PAFAH2: variants seen among roughly 807,000 people sequenced by gnomAD.
PAFAH2 encodes platelet-activating factor acetylhydrolase 2, cytoplasmic.
PAFAH2 carries 42 observed loss-of-function variants against 49.0 expected under a neutral mutation model. The observed-to-expected ratio is 0.86, with a 90% CI of 0.67 to 1.11. The LOEUF is 1.11. Ranked by LOEUF, PAFAH2 falls within the 50% of genes least tolerant of loss-of-function variation. The pLI is 0.00. For synonymous variants in PAFAH2, 184 were observed against 181.3 expected, an observed-to-expected ratio of 1.01 and a Z score of -0.12; for missense variants, 503 against 501.8, an observed-to-expected ratio of 1.00 and a Z score of -0.02.
intron 7 of PAFAH2, among the ~76,000 whole-genome samples, chr1:25,980,770 C>T (rs530222388): frequency 3.9e-5 from 6 of 151,958 alleles, no homozygotes; most frequent in African/African-American, 1.2e-4. Context: ...GTAATCCCAA[C>T]ACTTTGTGAG....
At chr1:25,980,646 A>C (rs2049672953) in intron 7 of PAFAH2, among the ~76,000 whole-genome samples, 1 of 147,134 alleles carries the variant, frequency 6.8e-6, no homozygotes, top group Non-Finnish European at 1.5e-5. Context: ...ATATATATTT[A>C]TTTATATATT....
Position 25,966,153 on chromosome 1 carries a change from T to G in PAFAH2, c.1085-4070A>C, listed in dbSNP as rs1170806373. On this transcript the variant is annotated intron_variant, in intron 10 of 10. Coordinates refer to ENST00000374282, the MANE Select transcript of PAFAH2 (RefSeq NM_000437.4). ...GTGAGGATGCAGAGAAAGGGAACAC[T>G]TATGCACCGTTGGTAGGAATGTAAA... Among the ~76,000 whole-genome samples the G allele has an allele frequency of 2.6e-5, 4 of 152,072 alleles. No individual in the cohort carries two copies. In the East Asian group the frequency reaches 7.7e-4, roughly 29 times the overall value.
At chr1:25,963,651 G>C (rs550490597) in intron 10 of PAFAH2, among the ~76,000 whole-genome samples, 431 of 152,278 alleles carry the variant, frequency 2.8e-3, no homozygotes, top group Non-Finnish European at 5.0e-3. Flanking sequence ...CTACAGGCAT[G>C]CACCACCACA....
chr1:25,993,070 C>T (rs1031662834), intron 1 of PAFAH2, among the ~76,000 whole-genome samples: 15 of 152,104 alleles, frequency 9.9e-5, no homozygotes, highest in African/African-American at 3.6e-4. Context: ...AATAGAGGCC[C>T]ATTTGTGAAG....
At chr1:25,968,839 C>A (rs1459860104) in intron 10 of PAFAH2, among the ~76,000 whole-genome samples, 2 of 152,146 alleles carry the variant, frequency 1.3e-5, no homozygotes, top group Non-Finnish European at 1.5e-5. Flanking sequence ...AAGCAATCCT[C>A]CTGCCTCAGC....
rs908680376 is a variant in PAFAH2, at chr1:25,961,194, G to C, written c.*795C>G. Reference sequence around the variant, plus strand: ...AAACTACTTCTCTGTTGTGGCAAAGGCCTGTGCAAATGGCCATTTAACACT... The same window carrying C: ...AAACTACTTCTCTGTTGTGGCAAAGCCCTGTGCAAATGGCCATTTAACACT... On this transcript the variant is annotated 3_prime_UTR_variant, in exon 11 of 11. Transcript: ENST00000374282. The C allele has an allele frequency of 6.6e-6, 1 of 152,186 alleles. No individual in the cohort carries two copies. The highest frequency in any genetic ancestry group is 1.5e-5 in the Non-Finnish European group (1 of 68,064). The allele number at this position is 152,186 out of a possible 1,614,324, so 9.4% of individuals were successfully genotyped here.
In PAFAH2 at chr1:25,984,845, CTTTTTTTTT is replaced by C. The variant is rs34522205; in HGVS notation, c.342-326_342-318del. On this transcript the variant is annotated intron_variant, in intron 4 of 10. Coordinates refer to ENST00000374282, the MANE Select transcript of PAFAH2 (RefSeq NM_000437.4). ...CTGGACTTCAGAGCCAGAGAGATTTCTTTTTTTTTTTTTTTTTTTTTGAGACAGAGTCTC... is the reference window on the plus strand; with the variant it reads ...CTGGACTTCAGAGCCAGAGAGATTTCTTTTTTTTTTTTGAGACAGAGTCTC... Among the ~76,000 whole-genome samples, 5 of 104,284 alleles carry C rather than the reference CTTTTTTTTT, an allele frequency of 4.8e-5. No homozygotes were observed. In the Admixed American group the frequency reaches 4.9e-4, roughly 10 times the overall value. The allele number at this position is 104,284 out of a possible 152,430, so 68.4% of individuals were successfully genotyped here. A position where few individuals can be genotyped will look rare whatever the true frequency, so the allele number is the denominator to read the frequency against.
chr1:25,973,403 T>G (rs1427824945), intron 9 of PAFAH2, among the ~76,000 whole-genome samples: 2 of 152,150 alleles, frequency 1.3e-5, no homozygotes, highest in African/African-American at 4.8e-5. Context: ...ACAGAAAAAC[T>G]GACTTTAAAA....
At chr1:25,974,133 T>C (rs751780504) in intron 9 of PAFAH2, among the ~76,000 whole-genome samples, 2 of 152,124 alleles carry the variant, frequency 1.3e-5, no homozygotes, top group African/African-American at 2.4e-5. Flanking sequence ...TTCACACTCT[T>C]CCAAAGACCC....
In PAFAH2 at chr1:25,961,983, T is replaced by C. The variant is rs375563101; in HGVS notation, c.*6A>G. On this transcript the variant is annotated 3_prime_UTR_variant, in exon 11 of 11. Transcript: ENST00000374282. ...CTGAAGTGACTTTACAAATGGCCAG[T>C]TGTGCCTACAGGCTGGACAGATGGT... The C allele has an allele frequency of 2.6e-5, 42 of 1,611,630 alleles. No individual in the cohort carries two copies. Among genetic ancestry groups the C allele is most frequent in the Non-Finnish European group, 3.4e-5 (40 of 1,178,302 alleles).
chr1:25,978,848 C>G (rs185549728), intron 7 of PAFAH2, among the ~76,000 whole-genome samples: 1 of 152,210 alleles, frequency 6.6e-6, no homozygotes, highest in African/African-American at 2.4e-5. Context: ...TGAAATGTGG[C>G]GTTTACACAC....
At chr1:25,987,524 G>C (rs1460062404) in intron 4 of PAFAH2, among the ~76,000 whole-genome samples, 1 of 152,054 alleles carries the variant, frequency 6.6e-6, no homozygotes, top group Non-Finnish European at 1.5e-5. Context: ...CAAGTGCAGG[G>C]AGCAAGTCTC....
At chr1:25,996,986 G>A (rs2049945433) in intron 1 of PAFAH2, among the ~76,000 whole-genome samples, 1 of 152,226 alleles carries the variant, frequency 6.6e-6, no homozygotes, top group Non-Finnish European at 1.5e-5. Flanking sequence ...ACCAAAGCCA[G>A]TGTCTACTGA....
chr1:25,989,029 ATCTT>A (rs147156902), intron 3 of PAFAH2, among the ~76,000 whole-genome samples: 217 of 152,158 alleles, frequency 1.4e-3, no homozygotes, highest in African/African-American at 5.0e-3. Flanking sequence ...ACAGTTAAGA[ATCTT>A]TCTTTGATAC....
chr1:25,973,224 T>G (rs2049536799), intron 9 of PAFAH2, among the ~76,000 whole-genome samples: 1 of 152,182 alleles, frequency 6.6e-6, no homozygotes, highest in Non-Finnish European at 1.5e-5. Flanking sequence ...GAGTGCTTTG[T>G]AAAAGGGGGT....
chr1:25,995,060 G>C (rs2049920539), intron 1 of PAFAH2, among the ~76,000 whole-genome samples: 1 of 152,160 alleles, frequency 6.6e-6, no homozygotes, highest in Non-Finnish European at 1.5e-5. Flanking sequence ...AAAAGTCATG[G>C]AATTTTCCAA....
At chr1:25,976,800 G>C (rs1557519588) in intron 7 of PAFAH2, 27 bp from the exon 8 acceptor site, 38 of 1,575,920 alleles carry the variant, frequency 2.4e-5, no homozygotes, top group Non-Finnish European at 3.2e-5. Flanking sequence ...ACTTAGCCAA[G>C]TCAGAAACTC....
intron 1 of PAFAH2, among the ~76,000 whole-genome samples, chr1:25,997,056 G>C (rs912748365): frequency 7.9e-5 from 12 of 152,232 alleles, no homozygotes; most frequent in Non-Finnish European, 1.3e-4. Context: ...GTCCTCTCCT[G>C]CTGGGACCCT....
chr1:25,975,874 C>A (rs1373287180), intron 8 of PAFAH2, among the ~76,000 whole-genome samples: 3 of 152,182 alleles, frequency 2.0e-5, no homozygotes, highest in Non-Finnish European at 4.4e-5. Flanking sequence ...AGTTTCCCAT[C>A]ATACGTAGAA....
Sources: allele counts gnomAD v4.1 joint callset (sites outside exome capture counted in the v4.1 genomes callset), GRCh38; gene constraint gnomAD v4.1.1; transcripts MANE v1.5; gene names NCBI Gene and HGNC (gene_info 2026-07-23, HGNC 2026-07-21).